Variants in PCCA observed in about 807,000 individuals in gnomAD.
The protein encoded by PCCA is propionyl-CoA carboxylase alpha chain, mitochondrial.
A neutral mutation model predicts 101.3 loss-of-function variants in PCCA; 74 were observed. The ratio of observed to expected loss-of-function variants is 0.73; its 90% confidence interval spans 0.61 to 0.89. The LOEUF (loss-of-function observed/expected upper bound fraction) is 0.89. Among genes scored for constraint, PCCA ranks in the 40% least tolerant of loss-of-function variants. The pLI is 0.00. For synonymous variants in PCCA, 294 were observed against 313.6 expected (o/e 0.94, Z 0.66); for missense variants, 891 against 907.0 (o/e 0.98, Z 0.23).
chr13:100,319,875 G>C (rs1338219570), intron 16 of PCCA, among the ~76,000 whole-genome samples: 1 of 152,184 alleles, frequency 6.6e-6, no homozygotes, highest in African/African-American at 2.4e-5. Flanking sequence ...GAAAGTCATT[G>C]GTAGCTTGAT....
At chr13:100,145,861 CAA>C (rs767182982) in intron 4 of PCCA, among the ~76,000 whole-genome samples, 13 of 64,310 alleles carry the variant, frequency 2.0e-4, no homozygotes, top group Non-Finnish European at 1.6e-4. Context: ...GACTCCGTCT[CAA>C]AAAAAAAAAA....
At chr13:100,109,006 C>G (rs1228118799) in intron 2 of PCCA, among the ~76,000 whole-genome samples, 1 of 152,130 alleles carries the variant, frequency 6.6e-6, no homozygotes, top group Non-Finnish European at 1.5e-5. Flanking sequence ...TAGCCCTTAA[C>G]AGAGAAGATG....
At chr13:100,418,914 C>T (rs1432129202) in intron 19 of PCCA, among the ~76,000 whole-genome samples, 2 of 151,966 alleles carry the variant, frequency 1.3e-5, no homozygotes, top group Admixed American at 6.6e-5. Flanking sequence ...ATGTTTCCCA[C>T]TCCTGTCCCT....
intron 20 of PCCA, among the ~76,000 whole-genome samples, chr13:100,448,548 C>T (rs571325828): frequency 1.3e-5 from 2 of 152,258 alleles, no homozygotes; most frequent in South Asian, 2.1e-4. Flanking sequence ...TTCCAGTGTA[C>T]TACTTATTCA....
chr13:100,409,581 G>A (rs192045431), intron 19 of PCCA, among the ~76,000 whole-genome samples: 1 of 152,120 alleles, frequency 6.6e-6, no homozygotes, highest in Non-Finnish European at 1.5e-5. Flanking sequence ...CCACCCCAGT[G>A]CACAGGCCAG....
At chr13:100,505,220 C>T (rs1476562157) in intron 21 of PCCA, among the ~76,000 whole-genome samples, 1 of 152,184 alleles carries the variant, frequency 6.6e-6, no homozygotes, top group African/African-American at 2.4e-5. Flanking sequence ...TGTCTTTTCC[C>T]TCTGGCCAGA....
At chr13:100,400,986 AAAAG>A (rs1430900824) in intron 19 of PCCA, among the ~76,000 whole-genome samples, 2 of 152,082 alleles carry the variant, frequency 1.3e-5, no homozygotes, top group Non-Finnish European at 2.9e-5. Context: ...AGACTTTCCA[AAAAG>A]AAAGTGCTTT....
chr13:100,348,920 T>TTTCTTTCTTTCCTTCCTTCC (rs1555429132), intron 18 of PCCA, among the ~76,000 whole-genome samples: 2 of 89,020 alleles, frequency 2.2e-5, no homozygotes, highest in African/African-American at 4.3e-5. Flanking sequence ...CTTTCTTTTC[T>TTTCTTTCTTTCCTTCCTTCC]TTTCTTTTCT....
intron 7 of PCCA, among the ~76,000 whole-genome samples, chr13:100,225,767 G>A (rs891052940): frequency 6.6e-6 from 1 of 152,178 alleles, no homozygotes; most frequent in Non-Finnish European, 1.5e-5. Flanking sequence ...TACAATGATA[G>A]AAAAGTGTAC....
chr13:100,404,072 G>A (rs1454850632), intron 19 of PCCA, among the ~76,000 whole-genome samples: 6 of 152,190 alleles, frequency 3.9e-5, no homozygotes, highest in Admixed American at 2.0e-4. Flanking sequence ...CTATCTAAGC[G>A]TTCCCGGCAG....
intron 6 of PCCA, among the ~76,000 whole-genome samples, chr13:100,190,116 A>C (rs1455041388): frequency 1.1e-4 from 16 of 152,196 alleles, no homozygotes; most frequent in Non-Finnish European, 2.4e-4. Flanking sequence ...GTCATGACTA[A>C]TTAATATGAT....
At chr13:100,428,919 G>A (rs1213091909) in intron 20 of PCCA, among the ~76,000 whole-genome samples, 1 of 152,200 alleles carries the variant, frequency 6.6e-6, no homozygotes, top group African/African-American at 2.4e-5. Flanking sequence ...GGGACCCGTG[G>A]AAGAGCTTTC....
intron 4 of PCCA, among the ~76,000 whole-genome samples, chr13:100,139,403 T>C (rs1019852428): frequency 1.3e-5 from 2 of 152,066 alleles, no homozygotes; most frequent in Non-Finnish European, 2.9e-5. Context: ...CCATAGTCTC[T>C]TGTTAATTTT....
At position 100,451,150 on chromosome 13, in the gene PCCA, G is replaced by T. The variant is rs528229600; in HGVS notation, c.1899+1845G>T. ...TTTCTCTTAAGGCCTTTAACGGGTTGGATGAGGCCCACCCACTGTGGAGGG... is the reference window on the plus strand; with the variant it reads ...TTTCTCTTAAGGCCTTTAACGGGTTTGATGAGGCCCACCCACTGTGGAGGG... On this transcript the variant is annotated intron_variant, in intron 21 of 23. Transcript: ENST00000376285. Among the ~76,000 whole-genome samples, 35 of 152,172 alleles carry T rather than the reference G, an allele frequency of 2.3e-4. 1 individual carries two copies. Among genetic ancestry groups the T allele is most frequent in the Admixed American group, 3.3e-4 (5 of 15,286 alleles).
At chr13:100,519,537 C>T (rs1452709416) in intron 22 of PCCA, among the ~76,000 whole-genome samples, 52 of 152,236 alleles carry the variant, frequency 3.4e-4, no homozygotes, top group Non-Finnish European at 2.9e-5. Context: ...ACTTACACTT[C>T]ACCCTGATTT....
chr13:100,181,353 A>G (rs746921377), intron 6 of PCCA, among the ~76,000 whole-genome samples: 1 of 152,244 alleles, frequency 6.6e-6, no homozygotes, highest in Non-Finnish European at 1.5e-5. Context: ...TTTAAAAAAT[A>G]AAGTAGGGCA....
intron 4 of PCCA, among the ~76,000 whole-genome samples, chr13:100,113,998 T>G (rs1422033842): frequency 1.3e-5 from 2 of 152,228 alleles, no homozygotes; most frequent in Non-Finnish European, 2.9e-5. Context: ...GTTTTTTATT[T>G]TTCATTTATT....
intron 16 of PCCA, among the ~76,000 whole-genome samples, chr13:100,325,786 C>G (rs2068610488): frequency 6.6e-6 from 1 of 152,122 alleles, no homozygotes; most frequent in Non-Finnish European, 1.5e-5. Context: ...TGGATTGACT[C>G]CATTGATGCT....
chr13:100,226,007 G>A (rs937781429), intron 7 of PCCA, among the ~76,000 whole-genome samples: 1 of 152,140 alleles, frequency 6.6e-6, no homozygotes, highest in African/African-American at 2.4e-5. Context: ...GCCCAGGCTT[G>A]TCTGGAACTC....
Sources: allele counts gnomAD v4.1 joint callset (sites outside exome capture counted in the v4.1 genomes callset), GRCh38; gene constraint gnomAD v4.1.1; transcripts MANE v1.5; gene names NCBI Gene and HGNC (gene_info 2026-07-23, HGNC 2026-07-21).